Variants in SMOC2 observed in about 807,000 individuals in gnomAD.
SMOC2 encodes the protein SPARC related modular calcium binding 2, also known as SPARC-related modular calcium-binding protein 2.
SMOC2 carries 39 observed loss-of-function variants against 61.4 expected under a neutral mutation model. That is an observed-to-expected ratio of 0.64 (90% CI 0.49 to 0.83). SMOC2 has a LOEUF of 0.83. Ranked by LOEUF, SMOC2 falls within the 40% of genes least tolerant of loss-of-function variation. The pLI is 0.00. For synonymous variants in SMOC2, 247 were observed against 239.9 expected, an observed-to-expected ratio of 1.03 and a Z score of -0.27; for missense variants, 556 against 592.9, an observed-to-expected ratio of 0.94 and a Z score of 0.65.
At chr6:168,575,123 C>G (rs979557845) in intron 7 of SMOC2, among the ~76,000 whole-genome samples, 1 of 152,114 alleles carries the variant, frequency 6.6e-6, no homozygotes, top group African/African-American at 2.4e-5. Context: ...AAGCGCTGGG[C>G]GGGCGTGGAC....
chr6:168,557,812 C>T (rs1170327074), intron 7 of SMOC2, among the ~76,000 whole-genome samples: 2 of 152,222 alleles, frequency 1.3e-5, no homozygotes, highest in East Asian at 3.8e-4. Context: ...ACCGTGTGTT[C>T]TAATGCATCA....
intron 9 of SMOC2, among the ~76,000 whole-genome samples, chr6:168,629,927 G>T (rs923958662): frequency 3.9e-5 from 6 of 152,206 alleles, no homozygotes; most frequent in African/African-American, 1.4e-4. Flanking sequence ...TTATTCTTTT[G>T]CTTGAAACAC....
At chr6:168,569,103 T>G (rs1157771844) in intron 7 of SMOC2, among the ~76,000 whole-genome samples, 1 of 152,218 alleles carries the variant, frequency 6.6e-6, no homozygotes, top group Non-Finnish European at 1.5e-5. Context: ...TAAAACTCTG[T>G]GTGTCTTCAT....
At chr6:168,573,436 G>A (rs1359543732) in intron 7 of SMOC2, among the ~76,000 whole-genome samples, 1 of 152,180 alleles carries the variant, frequency 6.6e-6, no homozygotes, top group African/African-American at 2.4e-5. Flanking sequence ...TCCGGGTGCT[G>A]GGACCAGGGC....
chr6:168,527,269 C>T (rs1783477779), intron 3 of SMOC2, among the ~76,000 whole-genome samples: 1 of 152,162 alleles, frequency 6.6e-6, no homozygotes, highest in Non-Finnish European at 1.5e-5. Context: ...GCCGAGGTTG[C>T]TCTCCTGGCT....
chr6:168,599,152 C>T, intron 8 of SMOC2, 148 bp downstream of exon 8: 1 of 697,096 alleles, frequency 1.4e-6, no homozygotes. Context: ...CACACACATA[C>T]CCACACACAC....
intron 8 of SMOC2, among the ~76,000 whole-genome samples, 177 bp downstream of exon 8, chr6:168,599,181 C>CCACACACACTCATACCA (rs1278728565): frequency 3.1e-5 from 3 of 96,502 alleles, no homozygotes; most frequent in South Asian, 3.3e-4. Context: ...TCACACACAC[C>CCACACACACTCATACCA]CACACACACT....
Position 168,667,598 on chromosome 6 carries a change from A to G in SMOC2, c.*1160A>G, listed in dbSNP as rs1787695038. 6.6e-6 allele frequency: 1 copy of G among 152,198 alleles called. No individual in the cohort carries two copies. The allele number at this position is 152,198 out of a possible 1,614,324, so 9.4% of individuals were successfully genotyped here. A position where few individuals can be genotyped will look rare whatever the true frequency, so the allele number is the denominator to read the frequency against. On this transcript the variant is annotated 3_prime_UTR_variant, in exon 13 of 13. Transcript: ENST00000356284. ...TGGTCTGCGTGCATAACCAGCTGCC[A>G]CCCTCAGGCCTGGGCCCCAGAGCTC...
At chr6:168,480,378 GA>G (rs573549436) in intron 1 of SMOC2, among the ~76,000 whole-genome samples, 157 of 151,908 alleles carry the variant, frequency 1.0e-3, no homozygotes, top group African/African-American at 3.7e-3. Context: ...AGAAAGTAAA[GA>G]AAATAATATA....
Position 168,459,906 on chromosome 6 carries a change from G to A in SMOC2, c.84+18452G>A, listed in dbSNP as rs187007052. Reference sequence around the variant, plus strand: ...CTTGGTGAGAAGAGCCCCGAAGTCCGTGTGGTTGACGCTGGCCCGATTCAT... The same window carrying A: ...CTTGGTGAGAAGAGCCCCGAAGTCCATGTGGTTGACGCTGGCCCGATTCAT... On this transcript the variant is annotated intron_variant, in intron 1 of 12. Transcript: ENST00000356284. Among the ~76,000 whole-genome samples the A allele has an allele frequency of 4.0e-3, 609 of 152,212 alleles. 1 individual carries two copies. Among genetic ancestry groups the A allele is most frequent in the Non-Finnish European group, 6.2e-3 (421 of 67,984 alleles).
intron 9 of SMOC2, among the ~76,000 whole-genome samples, chr6:168,617,470 G>T (rs1562385808): frequency 6.6e-6 from 1 of 152,120 alleles, no homozygotes; most frequent in Non-Finnish European, 1.5e-5. Context: ...TGAAGACGGG[G>T]CAGGAAGCTG....
intron 9 of SMOC2, among the ~76,000 whole-genome samples, chr6:168,645,753 G>A (rs1201428131): frequency 2.0e-5 from 3 of 152,030 alleles, no homozygotes; most frequent in African/African-American, 4.8e-5. Context: ...AGGTCACCAC[G>A]CAGGCCCCCA....
At chr6:168,517,204 G>A (rs1431615248) in intron 2 of SMOC2, among the ~76,000 whole-genome samples, 3 of 149,614 alleles carry the variant, frequency 2.0e-5, no homozygotes, top group Non-Finnish European at 3.0e-5. Context: ...TCGCTCTGAG[G>A]CCTGTCTGCG....
chr6:168,441,386 C>G lies in SMOC2; in HGVS notation c.16C>G (p.Leu6Val). The G allele has an allele frequency of 6.6e-7, 1 of 1,508,254 alleles. No individual in the cohort carries two copies. Among genetic ancestry groups the G allele is most frequent in the South Asian group, 1.2e-5 (1 of 80,906 alleles). The allele number at this position is 1,508,254 out of a possible 1,614,324, so 93.4% of individuals were successfully genotyped here. ...CTCCGCCACCATGCTGCTCCCCCAG[C>G]TCTGCTGGCTGCCGCTGCTCGCTGG... is the stretch of plus-strand genomic sequence containing the variant. MLLPQLCWLPLLAGLL... is the reference protein window; with the variant it reads MLLPQVCWLPLLAGLL... The change falls in exon 1 of 13, where the codon CTC (leucine) becomes GTC (valine). Residue 6 changes from leucine to valine, a missense_variant. By Grantham distance (32) the Leu-to-Val change is conservative. Coordinates refer to ENST00000356284, the MANE Select transcript of SMOC2 (RefSeq NM_001166412.2).
intron 1 of SMOC2, among the ~76,000 whole-genome samples, chr6:168,451,675 A>T (rs919044459): frequency 6.6e-6 from 1 of 151,312 alleles, no homozygotes; most frequent in African/African-American, 2.4e-5. Flanking sequence ...TAAACATCTT[A>T]GGCTAAGGAA....
intron 9 of SMOC2, 40 bp from the exon 10 acceptor site, chr6:168,650,641 C>T (rs765578296): frequency 3.2e-6 from 5 of 1,574,378 alleles, no homozygotes; most frequent in Non-Finnish European, 4.4e-6. Flanking sequence ...ATCTGTTAGG[C>T]TTTATGAGTT....
At chr6:168,623,091 A>T (rs538292175) in intron 9 of SMOC2, among the ~76,000 whole-genome samples, 30 of 152,310 alleles carry the variant, frequency 2.0e-4, no homozygotes, top group African/African-American at 7.2e-4. Context: ...CATAAATTTA[A>T]GTAAGTGAGA....
intron 7 of SMOC2, among the ~76,000 whole-genome samples, chr6:168,584,799 G>A (rs1042674452): frequency 2.6e-5 from 4 of 152,128 alleles, no homozygotes; most frequent in Admixed American, 2.0e-4. Flanking sequence ...ACAGACGGCC[G>A]TGCACGGTGG....
rs2115100269 is a variant in SMOC2 at position 168,544,213 on chromosome 6, C to A, written c.511+541C>A. 6.6e-6 allele frequency among the ~76,000 whole-genome samples: 1 copy of A among 152,286 alleles called. No individual in the cohort carries two copies. The highest frequency in any genetic ancestry group is 6.5e-5 in the Admixed American group (1 of 15,306). On this transcript the variant is annotated intron_variant, in intron 5 of 12. Coordinates refer to ENST00000356284, the MANE Select transcript of SMOC2 (RefSeq NM_001166412.2). The surrounding 1 kb of genome is among the most constrained non-coding windows in gnomAD (Gnocchi z 4.1). ...TCTGTCACATGCCCACCATGACCCC[C>A]CTGGGAAAGTCTCCATCCTCTTCTC...
Sources: gnomAD v4.1 joint callset for allele counts (sites outside exome capture counted in the v4.1 genomes callset) on GRCh38, gnomAD v4.1.1 for gene constraint, Gnocchi (gnomAD v3.1) non-coding constraint, MANE v1.5 for transcripts, NCBI Gene and HGNC (gene_info 2026-07-23, HGNC 2026-07-21) for gene names.